The following PPIL2 variants were observed in gnomAD, a reference collection of about 807,000 sequenced individuals.
PPIL2 encodes peptidylprolyl isomerase like 2, also known as RING-type E3 ubiquitin-protein ligase PPIL2.
In PPIL2, 50 loss-of-function variants were observed where a neutral mutation model predicts 75.2. The ratio of observed to expected loss-of-function variants is 0.66; its 90% CI spans 0.53 to 0.84. The LOEUF is 0.84. Ranked by LOEUF, PPIL2 falls within the 40% of genes least tolerant of loss-of-function variation. The probability of loss-of-function intolerance (pLI) is 0.00; values close to 1 mark genes in which losing one functional copy is unlikely to be tolerated. For synonymous variants in PPIL2, 245 were observed against 258.8 expected (o/e 0.95, Z 0.51); for missense variants, 590 against 685.0 (o/e 0.86, Z 1.55).
In PPIL2 at chr22:21,694,641, T is replaced by A. The variant is rs1406488758; in HGVS notation, c.1245T>A (p.Ser415Arg). The A allele has an allele frequency of 6.2e-7, 1 of 1,613,842 alleles. No individual in the cohort carries two copies. The highest frequency in any genetic ancestry group is 8.5e-7 in the Non-Finnish European group (1 of 1,179,976). The change falls in exon 17 of 20, where the codon AGT (serine) becomes AGA (arginine). Residue 415 changes from serine to arginine, a missense_variant. Coordinates refer to ENST00000398831, the MANE Select transcript of PPIL2 (RefSeq NM_014337.4). Reference sequence around the variant, plus strand: ...TGACAGCCATGGAGAATGTGGAGAGTGACCCCAAAACTGACCGCCCTAAGG... The same window carrying A: ...TGACAGCCATGGAGAATGTGGAGAGAGACCCCAAAACTGACCGCCCTAAGG... ...DVLTAMENVE[S>R]DPKTDRPKEE...
chr22:21,685,608 A>T (rs937319422), intron 10 of PPIL2: 1 of 450,188 alleles, frequency 2.2e-6, no homozygotes, highest in Non-Finnish European at 4.4e-6. Context: ...GCACTTTGAT[A>T]TATTACTTTT....
chr22:21,669,815 G>T (rs2066559994), intron 1 of PPIL2, 98 bp from the exon 2 acceptor site: 3 of 1,286,024 alleles, frequency 2.3e-6, no homozygotes, highest in South Asian at 2.4e-5. Context: ...TAGGTATTTA[G>T]TAAGCATTTG....
At chr22:21,693,044 ATTTCCTTTTTTCTT>A (rs2067749068) in intron 15 of PPIL2, among the ~76,000 whole-genome samples, 1 of 149,780 alleles carries the variant, frequency 6.7e-6, no homozygotes, top group Non-Finnish European at 1.5e-5. Context: ...ATTCCACCCC[ATTTCCTTTTTTCTT>A]TTTCTTTTTT....
At chr22:21,681,497 G>A in intron 7 of PPIL2, 107 bp downstream of exon 7, 1 of 982,370 alleles carries the variant, frequency 1.0e-6, no homozygotes, top group South Asian at 1.5e-5. Flanking sequence ...CTGTCCTCGT[G>A]GGGTTTACAG....
chr22:21,685,326 C>A (rs1395934924), intron 10 of PPIL2, among the ~76,000 whole-genome samples: 5 of 152,176 alleles, frequency 3.3e-5, no homozygotes, highest in Non-Finnish European at 7.4e-5. Context: ...GGGCCCAAAG[C>A]CATGCCAGGG....
Position 21,697,762 on chromosome 22 carries a change from C to T in PPIL2, c.*2272C>T, listed in dbSNP as rs2067995733. 1 of 152,350 alleles carries T rather than the reference C, an allele frequency of 6.6e-6. No homozygotes were observed. The highest frequency in any genetic ancestry group is 2.1e-4 in the South Asian group (1 of 4,828). 9.4% of individuals were successfully genotyped at this position (152,350 alleles called of 1,614,324 possible). On this transcript the variant is annotated 3_prime_UTR_variant, in exon 20 of 20. Coordinates refer to ENST00000398831, the MANE Select transcript of PPIL2 (RefSeq NM_014337.4). ...TCTGCTCCCAGGGCAGGGGACAGGC[C>T]ACCAAGGACCTTTGGCAAATGAAGG... is the stretch of plus-strand genomic sequence containing the variant.
At chr22:21,674,973 C>T in intron 5 of PPIL2, 91 bp from the exon 6 acceptor site, 1 of 1,228,154 alleles carries the variant, frequency 8.1e-7, no homozygotes, top group Non-Finnish European at 1.2e-6. Context: ...TTGGCCTAGT[C>T]AGAGACTTTT....
Position 21,694,817 on chromosome 22 carries a change from G to A in PPIL2, c.1332G>A (p.Gln444=). The change falls in exon 18 of 20, where the codon CAG becomes CAA. Residue 444 remains glutamine (Q), a splice_region_variant and synonymous_variant. Coordinates refer to ENST00000398831, the MANE Select transcript of PPIL2 (RefSeq NM_014337.4). ...ACCCCTATGAGGAGGCCGATGCCCA[G>A]GTGAGGGGGCACGATGCCACCACCT... ...FVDPYEEADA[Q]IAQERKTQLK... 3 of 1,598,762 alleles carry A rather than the reference G, an allele frequency of 1.9e-6. No homozygotes were observed. Among genetic ancestry groups the A allele is most frequent in the East Asian group, 2.2e-5 (1 of 44,626 alleles).
Position 21,694,788 on chromosome 22 carries a change from G to A in PPIL2, c.1303G>A (p.Val435Met). The A allele has an allele frequency of 3.7e-6, 6 of 1,607,448 alleles. No homozygotes were observed. The highest frequency in any genetic ancestry group is 1.7e-5 in the Admixed American group (1 of 59,730). ...EIRIDATTVFVDPYEEADAQI... is the reference protein window; with the variant it reads ...EIRIDATTVFMDPYEEADAQI... ...CCGCATTGATGCCACTACAGTGTTC[G>A]TGGACCCCTATGAGGAGGCCGATGC... The change falls in exon 18 of 20, where the codon GTG becomes ATG. Residue 435 changes from valine to methionine, a missense_variant. Coordinates refer to ENST00000398831, the MANE Select transcript of PPIL2 (RefSeq NM_014337.4).
In PPIL2 at chr22:21,694,599, TG is replaced by T; in HGVS notation, c.1208del (p.Gly403AlafsTer5). 1 of 1,614,040 alleles carries T rather than the reference TG, an allele frequency of 6.2e-7. No individual in the cohort carries two copies. The highest frequency in any genetic ancestry group is 8.5e-7 in the Non-Finnish European group (1 of 1,179,974). ...CTCTGTCTCCCTGCTGCAGGGTTGT[TG>T]GGGGCTTTGACGTACTGACAGCCAT... ...KKHTIFGRVV[G>X]GFDVLTAMEN... On this transcript the variant is annotated frameshift_variant, in exon 17 of 20. Transcript: ENST00000398831. LOFTEE classifies it high-confidence loss of function.
chr22:21,699,743 T>C (rs1195590742), downstream of PPIL2: 1 of 152,788 alleles, frequency 6.5e-6, no homozygotes, highest in Non-Finnish European at 1.5e-5. Context: ...ATAATTCTTT[T>C]TCTTCAAGTA....
rs758188161 is a variant in PPIL2, at chr22:21,688,696, C to T, written c.1022-36C>T. The T allele has an allele frequency of 4.4e-6, 7 of 1,596,778 alleles. No individual in the cohort carries two copies. The South Asian group carries it at 7.7e-5, about 18-fold the overall frequency. On this transcript the variant is annotated intron_variant, in intron 14 of 19. Coordinates refer to ENST00000398831, the MANE Select transcript of PPIL2 (RefSeq NM_014337.4). The stretch of plus-strand genomic sequence containing the variant: ...TTCTAGTTCTGCCTCGGCTGGGGCC[C>T]AGGCTTTCCTGCTCCCATGGGCCTT...
intron 1 of PPIL2, 152 bp downstream of exon 1, chr22:21,666,283 C>T: frequency 2.1e-6 from 2 of 955,866 alleles, no homozygotes; most frequent in Admixed American, 3.2e-5. Context: ...TGTCTCCAGT[C>T]AGGGTAATGA....
intron 6 of PPIL2, among the ~76,000 whole-genome samples, chr22:21,679,416 A>G (rs532299250): frequency 1.3e-5 from 2 of 151,004 alleles, no homozygotes; most frequent in African/African-American, 4.8e-5. Flanking sequence ...CCTGGGCAAC[A>G]TAATGAAACC....
intron 5 of PPIL2, among the ~76,000 whole-genome samples, chr22:21,674,526 G>A (rs993123203): frequency 6.6e-6 from 1 of 152,182 alleles, no homozygotes; most frequent in Non-Finnish European, 1.5e-5. Flanking sequence ...GGGAGGCTCA[G>A]GTGGGCAGAT....
intron 1 of PPIL2, among the ~76,000 whole-genome samples, chr22:21,668,066 C>T (rs775315457): frequency 6.6e-6 from 1 of 151,936 alleles, no homozygotes; most frequent in South Asian, 2.1e-4. Context: ...CGTGAGCCAC[C>T]GTGCCGGGCC....
chr22:21,684,070 T>G (rs2067239456), intron 9 of PPIL2, among the ~76,000 whole-genome samples: 1 of 151,400 alleles, frequency 6.6e-6, no homozygotes, highest in South Asian at 2.1e-4. Context: ...TAGCTGGGTG[T>G]AGTTGGTGCG....
intron 7 of PPIL2, 64 bp downstream of exon 7, chr22:21,681,454 T>G: frequency 7.0e-7 from 1 of 1,425,664 alleles, no homozygotes; most frequent in Middle Eastern, 1.8e-4. Context: ...GTTCCTAGTA[T>G]ACACTGGCTG....
Position 21,696,809 on chromosome 22 carries a change from G to T in PPIL2, c.*1319G>T. 1 of 1,553,104 alleles carries T rather than the reference G, an allele frequency of 6.4e-7. No homozygotes were observed. Among genetic ancestry groups the T allele is most frequent in the Non-Finnish European group, 8.7e-7 (1 of 1,148,836 alleles). On this transcript the variant is annotated 3_prime_UTR_variant, in exon 20 of 20. Coordinates refer to ENST00000398831, the MANE Select transcript of PPIL2 (RefSeq NM_014337.4). Reference sequence around the variant, plus strand: ...TCAATCACTGATGCTGAAGCTGCAGGCCTGAGCCCTTTGTCTCCCTGGATG... The same window carrying T: ...TCAATCACTGATGCTGAAGCTGCAGTCCTGAGCCCTTTGTCTCCCTGGATG...
Sources: allele counts gnomAD v4.1 joint callset (sites outside exome capture counted in the v4.1 genomes callset), GRCh38; gene constraint gnomAD v4.1.1; transcripts MANE v1.5; gene names NCBI Gene and HGNC (gene_info 2026-07-23, HGNC 2026-07-21).